MAF1: variants seen among roughly 807,000 people sequenced by gnomAD.
MAF1 encodes the protein MAF1 negative regulator of RNA polymerase III, also known as repressor of RNA polymerase III transcription MAF1 homolog.
MAF1 carries 7 observed loss-of-function variants against 31.9 expected under a neutral mutation model. That is an observed-to-expected ratio of 0.22 (90% CI 0.12 to 0.41). The LOEUF (loss-of-function observed/expected upper bound fraction) is 0.41, where lower values mean the gene tolerates loss of function less well. Ranked by LOEUF, MAF1 falls within the 10% of genes least tolerant of loss-of-function variation. The pLI, the probability that MAF1 is intolerant of heterozygous loss-of-function variation, is 1.00. For missense variants in MAF1, 221 were observed against 323.1 expected, an observed-to-expected ratio of 0.68 and a Z score of 2.42; for synonymous variants, 157 against 120.0, an observed-to-expected ratio of 1.31 and a Z score of -2.02.
In MAF1 at chr8:144,106,249, T is replaced by A; in HGVS notation, c.378+8T>A. ...GAGCCCAGCCTTAGCTGGGTGAGGG[T>A]CAGGTGGAGGGAAGGGACCCACAGC... On this transcript the variant is annotated splice_region_variant and intron_variant, in intron 4 of 7. Coordinates refer to ENST00000322428, the MANE Select transcript of MAF1 (RefSeq NM_032272.5). 6.2e-7 allele frequency: 1 copy of A among 1,613,478 alleles called. No individual in the cohort carries two copies. The highest frequency in any genetic ancestry group is 8.5e-7 in the Non-Finnish European group (1 of 1,179,926).
Position 144,106,677 on chromosome 8 carries a change from G to C in MAF1, c.620+3G>C, listed in dbSNP as rs765269743. ...TTCTTTAGCTGCCGTTCCATCAGGT[G>C]GGCACCCCCCGCCTCCTCCCCCACC... is the stretch of plus-strand genomic sequence containing the variant. On this transcript the variant is annotated splice_donor_region_variant and intron_variant, in intron 6 of 7. Transcript: ENST00000322428. The C allele has an allele frequency of 1.3e-5, 21 of 1,611,752 alleles. No individual in the cohort carries two copies. Among genetic ancestry groups the C allele is most frequent in the Non-Finnish European group, 1.8e-5 (21 of 1,178,566 alleles).
Position 144,106,973 on chromosome 8 carries a change from G to T in MAF1, c.749+10G>T. ...CCATGGAGGAGGACAGGTGTGTGAT[G>T]GGGGCCATGACCCGGGTCCTTGAAG... On this transcript the variant is annotated intron_variant, in intron 7 of 7. Transcript: ENST00000322428. The T allele has an allele frequency of 6.5e-7, 1 of 1,538,804 alleles. No individual in the cohort carries two copies. Among genetic ancestry groups the T allele is most frequent in the East Asian group, 2.4e-5 (1 of 41,210 alleles).
At chr8:144,106,726 C>A in intron 6 of MAF1, 52 bp downstream of exon 6, 1 of 1,591,924 alleles carries the variant, frequency 6.3e-7, no homozygotes, top group Non-Finnish European at 8.6e-7. Flanking sequence ...GATACAACTT[C>A]CCCAGCTGTG....
At chr8:144,107,039 G>C in intron 7 of MAF1, 49 bp from the exon 8 acceptor site, 1 of 1,564,416 alleles carries the variant, frequency 6.4e-7, no homozygotes, top group Non-Finnish European at 8.7e-7. Flanking sequence ...CCTCTACTTG[G>C]TCTAAGTGGT....
chr8:144,106,516 C>G lies in MAF1; in HGVS notation c.501-39C>G, dbSNP rs778786466. ...TCCAGGCCTCCAGGTTTGTGGGGCA[C>G]TTGGCGCCTCACACCACCTGTCACC... On this transcript the variant is annotated intron_variant, in intron 5 of 7. Coordinates refer to ENST00000322428, the MANE Select transcript of MAF1 (RefSeq NM_032272.5). 4 of 1,613,936 alleles carry G rather than the reference C, an allele frequency of 2.5e-6. No individual in the cohort carries two copies. In the South Asian group the frequency reaches 4.4e-5, roughly 18 times the overall value.
Position 144,107,585 on chromosome 8 carries a change from C to T in MAF1, c.*476C>T. 1.7e-6 allele frequency: 1 copy of T among 585,348 alleles called. No individual in the cohort carries two copies. Among genetic ancestry groups the T allele is most frequent in the Non-Finnish European group, 3.2e-6 (1 of 317,114 alleles). 36.3% of individuals were successfully genotyped at this position (585,348 alleles called of 1,614,324 possible). A position where few individuals can be genotyped will look rare whatever the true frequency, so the allele number is the denominator to read the frequency against. On this transcript the variant is annotated 3_prime_UTR_variant, in exon 8 of 8. Coordinates refer to ENST00000322428, the MANE Select transcript of MAF1 (RefSeq NM_032272.5). ...AGTGTCACTTTGCTGCAGCTCGTTTCTTTCCAATAAAAGTTTCTGTGACTT... is the reference window on the plus strand; with the variant it reads ...AGTGTCACTTTGCTGCAGCTCGTTTTTTTCCAATAAAAGTTTCTGTGACTT...
chr8:144,106,856 A>C lies in MAF1; in HGVS notation c.642A>C (p.Ser214=). ...TCAGTGGCTCCACCTACACACCCTC[A>C]GAGGCAGGCAACGAGCTGGACATGG... ...RSISGSTYTP[S]EAGNELDMEL... is the part of the protein sequence containing the mutation. Residue 214 remains serine (S), a synonymous_variant, in exon 7 of 8, where the codon TCA becomes TCC. Transcript: ENST00000322428. 2.0e-6 allele frequency: 3 copies of C among 1,532,220 alleles called. No individual in the cohort carries two copies. Among genetic ancestry groups the C allele is most frequent in the Non-Finnish European group, 2.6e-6 (3 of 1,142,294 alleles). 94.9% of individuals were successfully genotyped at this position (1,532,220 alleles called of 1,614,324 possible). A position where few individuals can be genotyped will look rare whatever the true frequency, so the allele number is the denominator to read the frequency against.
At chr8:144,105,405 C>G in intron 1 of MAF1, 1 of 487,194 alleles carries the variant, frequency 2.1e-6, no homozygotes. Flanking sequence ...AGTCCCAGAA[C>G]TCGCGTGTTC....
Position 144,106,410 on chromosome 8 carries a change from A to T in MAF1, c.446A>T (p.Gln149Leu). 1 of 1,614,012 alleles carries T rather than the reference A, an allele frequency of 6.2e-7. No homozygotes were observed. The highest frequency in any genetic ancestry group is 8.5e-7 in the Non-Finnish European group (1 of 1,180,016). Residue 149 changes from glutamine (Q) to leucine (L), a missense_variant, in exon 5 of 8, where the codon CAG becomes CTG. Coordinates refer to ENST00000322428, the MANE Select transcript of MAF1 (RefSeq NM_032272.5). ...VREDFKDLKP[Q>L]LWNAVDEEIC... The stretch of plus-strand genomic sequence containing the variant: ...GAGGACTTCAAGGATCTGAAACCAC[A>T]GCTGTGGAACGCGGTGGACGAGGAG...
At position 144,107,403 on chromosome 8, in the gene MAF1, G is replaced by A. The variant is rs548964574; in HGVS notation, c.*294G>A. ...ACAGCAGGGACAGCTGGACCGCAGA[G>A]TTTATTTTTGTATTTCTACTGGGCC... On this transcript the variant is annotated 3_prime_UTR_variant, in exon 8 of 8. Transcript: ENST00000322428. 3 of 587,182 alleles carry A rather than the reference G, an allele frequency of 5.1e-6. No homozygotes were observed. The highest frequency in any genetic ancestry group is 3.0e-5 in the Admixed American group (1 of 33,450). The allele number at this position is 587,182 out of a possible 1,614,324, so 36.4% of individuals were successfully genotyped here.
Position 144,106,427 on chromosome 8 carries a change from G to A in MAF1, c.463G>A (p.Asp155Asn). The A allele has an allele frequency of 6.2e-7, 1 of 1,613,984 alleles. No individual in the cohort carries two copies. Among genetic ancestry groups the A allele is most frequent in the Non-Finnish European group, 8.5e-7 (1 of 1,180,010 alleles). The stretch of plus-strand genomic sequence containing the variant: ...GAAACCACAGCTGTGGAACGCGGTG[G>A]ACGAGGAGATCTGCCTGGCTGAATG... ...DLKPQLWNAVDEEICLAECDI... is the reference protein window; with the variant it reads ...DLKPQLWNAVNEEICLAECDI... The change falls in exon 5 of 8, where the codon GAC (aspartate) becomes AAC (asparagine). Residue 155 changes from aspartate to asparagine, a missense_variant. Coordinates refer to ENST00000322428, the MANE Select transcript of MAF1 (RefSeq NM_032272.5).
chr8:144,106,200 G>T lies in MAF1; in HGVS notation c.337G>T (p.Ala113Ser). 1.2e-6 allele frequency: 2 copies of T among 1,613,814 alleles called. No homozygotes were observed. The highest frequency in any genetic ancestry group is 8.5e-7 in the Non-Finnish European group (1 of 1,180,036). The change falls in exon 4 of 8, where the codon GCC (alanine) becomes TCC (serine). Residue 113 changes from alanine to serine, a missense_variant. This residue lies in a region of MAF1 where 146 missense variants were observed against 263.1 expected (regional missense o/e 0.56). Coordinates refer to ENST00000322428, the MANE Select transcript of MAF1 (RefSeq NM_032272.5). ...SFRPDYDFST[A>S]RSHEFSREPS... ...CAGGCCTGACTATGACTTCAGCACA[G>T]CCCGCAGCCATGAGTTCAGCCGGGA...
At chr8:144,104,920 C>T (rs1204687371) in intron 1 of MAF1, 62 bp downstream of exon 1, 2 of 152,274 alleles carry the variant, frequency 1.3e-5, no homozygotes, top group African/African-American at 4.8e-5. Context: ...CCCAGCAGGC[C>T]TCGCGCGGCG....
intron 6 of MAF1, 65 bp downstream of exon 6, chr8:144,106,739 A>G: frequency 6.3e-7 from 1 of 1,583,114 alleles, no homozygotes; most frequent in Non-Finnish European, 8.6e-7. Flanking sequence ...CAGCTGTGCC[A>G]TCTCCACCCA....
rs781368612 is a variant in MAF1 at position 144,106,493 on chromosome 8, C to T, written c.500+29C>T. On this transcript the variant is annotated intron_variant, in intron 5 of 7. Coordinates refer to ENST00000322428, the MANE Select transcript of MAF1 (RefSeq NM_032272.5). ...GGCCGGCATCCCTGCAGATGGCCTC[C>T]AGGCCTCCAGGTTTGTGGGGCACTT... 5 of 1,613,734 alleles carry T rather than the reference C, an allele frequency of 3.1e-6. No homozygotes were observed. In the African/African-American group the frequency reaches 6.7e-5, roughly 22 times the overall value.
chr8:144,106,529 A>G (rs1450975978), intron 5 of MAF1, 26 bp from the exon 6 acceptor site: 1 of 1,613,880 alleles, frequency 6.2e-7, no homozygotes. Flanking sequence ...GGCGCCTCAC[A>G]CCACCTGTCA....
At position 144,107,317 on chromosome 8, in the gene MAF1, G is replaced by C. The variant is rs1564318594; in HGVS notation, c.*208G>C. 4.5e-6 allele frequency: 3 copies of C among 661,510 alleles called. No individual in the cohort carries two copies. Among genetic ancestry groups the C allele is most frequent in the Non-Finnish European group, 7.8e-6 (3 of 385,018 alleles). 41.0% of individuals were successfully genotyped at this position (661,510 alleles called of 1,614,324 possible). Reference sequence around the variant, plus strand: ...TCAGACTCCTGCTGCCCATGCTGTGGCCGGACTTGTCAGCAGGGGGCCTGG... The same window carrying C: ...TCAGACTCCTGCTGCCCATGCTGTGCCCGGACTTGTCAGCAGGGGGCCTGG... On this transcript the variant is annotated 3_prime_UTR_variant, in exon 8 of 8. Transcript: ENST00000322428.
In MAF1 at chr8:144,106,552, C is replaced by T. The variant is rs373585368; in HGVS notation, c.501-3C>T. The stretch of plus-strand genomic sequence containing the variant: ...ACACCACCTGTCACCCTATACTCCC[C>T]AGCTATAACCCAGACTTGGACTCAG... On this transcript the variant is annotated splice_polypyrimidine_tract_variant and splice_region_variant and intron_variant, in intron 5 of 7. Transcript: ENST00000322428. The T allele has an allele frequency of 2.6e-5, 42 of 1,613,836 alleles. No homozygotes were observed. The highest frequency in any genetic ancestry group is 3.2e-5 in the Non-Finnish European group (38 of 1,180,032).
rs1836423179 is a variant in MAF1 at position 144,106,799 on chromosome 8, A to G, written c.621-36A>G. ...CCTGGGGCCAGCAGCAGGCCTGGGT[A>G]GGGGTCCTGAAACTGGTTTCCCTGC... On this transcript the variant is annotated intron_variant, in intron 6 of 7. Transcript: ENST00000322428. The G allele has an allele frequency of 8.4e-6, 13 of 1,543,870 alleles. No individual in the cohort carries two copies. In the East Asian group the frequency reaches 2.0e-4, roughly 24 times the overall value.
Sources: gnomAD v4.1 joint callset for allele counts on GRCh38, gnomAD v4.1.1 for gene constraint, gnomAD v4.1.1 regional missense constraint, MANE v1.5 for transcripts, NCBI Gene and HGNC (gene_info 2026-07-23, HGNC 2026-07-21) for gene names.